Variants in PDILT observed in about 807,000 individuals in gnomAD.
The protein encoded by PDILT is protein disulfide-isomerase-like protein of the testis.
In PDILT, 43 loss-of-function variants were observed where a neutral mutation model predicts 53.7. That is an observed-to-expected ratio of 0.80 (90% CI 0.63 to 1.03). The LOEUF (loss-of-function observed/expected upper bound fraction) is 1.03. PDILT is among the 50% of genes least tolerant of loss of function. The probability of loss-of-function intolerance (pLI) is 0.00; values close to 1 mark genes in which losing one functional copy is unlikely to be tolerated. For synonymous variants in PDILT, 282 were observed against 274.2 expected (o/e 1.03, Z -0.28); for missense variants, 727 against 712.3 (o/e 1.02, Z -0.24).
intron 3 of PDILT, among the ~76,000 whole-genome samples, chr16:20,382,391 A>G (rs1442965840): frequency 6.6e-6 from 1 of 152,228 alleles, no homozygotes; most frequent in Non-Finnish European, 1.5e-5. Flanking sequence ...ACTTTATTGG[A>G]ACACAGTCAT....
At chr16:20,380,544 G>C (rs1290026218) in intron 3 of PDILT, among the ~76,000 whole-genome samples, 1 of 152,110 alleles carries the variant, frequency 6.6e-6, no homozygotes, top group Admixed American at 6.5e-5. Context: ...CACCATCTTG[G>C]CCAAGCTGGT....
chr16:20,389,960 C>T (rs375728254), intron 2 of PDILT, among the ~76,000 whole-genome samples: 2 of 152,102 alleles, frequency 1.3e-5, no homozygotes, highest in South Asian at 2.1e-4. Flanking sequence ...TGGGTAGAGG[C>T]CAGGGATACT....
chr16:20,362,045 C>T (rs192895101), intron 10 of PDILT, among the ~76,000 whole-genome samples: 1 of 152,334 alleles, frequency 6.6e-6, no homozygotes, highest in Non-Finnish European at 1.5e-5. Flanking sequence ...TAATACCCCA[C>T]ATCCAATATT....
Position 20,365,420 on chromosome 16 carries a change from A to G in PDILT, c.1237T>C (p.Tyr413His). The change falls in exon 9 of 12, where the codon TAT becomes CAT. Residue 413 changes from tyrosine to histidine, a missense_variant and splice_region_variant. By Grantham distance (83) the Tyr-to-His change is moderately conservative. Transcript: ENST00000302451. ...CAGAACCCCTCTTGGAGATACTTAC[A>G]GAACATCACAAATACGTCCTTTTCT... is the stretch of plus-strand genomic sequence containing the variant. ...DKEKDVFVMFYAPWSKKCKML... is the reference protein window; with the variant it reads ...DKEKDVFVMFHAPWSKKCKML... 5 of 1,613,928 alleles carry G rather than the reference A, an allele frequency of 3.1e-6. No homozygotes were observed. Among genetic ancestry groups the G allele is most frequent in the Non-Finnish European group, 4.2e-6 (5 of 1,179,780 alleles).
chr16:20,361,940 G>T (rs894091865), intron 10 of PDILT, among the ~76,000 whole-genome samples: 2 of 152,230 alleles, frequency 1.3e-5, no homozygotes, highest in African/African-American at 4.8e-5. Context: ...GGCATGGAGT[G>T]TGGGTTGTAT....
At chr16:20,369,733 A>G in intron 7 of PDILT, 44 bp from the exon 8 acceptor site, 1 of 1,602,296 alleles carries the variant, frequency 6.2e-7, no homozygotes, top group Non-Finnish European at 8.5e-7. Context: ...ATCCTTTGCC[A>G]GTGGAGAAAA....
intron 1 of PDILT, among the ~76,000 whole-genome samples, chr16:20,403,519 A>G (rs934422616): frequency 1.3e-5 from 2 of 152,024 alleles, no homozygotes; most frequent in African/African-American, 4.8e-5. Context: ...CAAACTCCTG[A>G]CCTCAGGTGA....
At chr16:20,388,592 G>A (rs974791675) in intron 2 of PDILT, among the ~76,000 whole-genome samples, 5 of 152,170 alleles carry the variant, frequency 3.3e-5, no homozygotes, top group African/African-American at 7.2e-5. Flanking sequence ...TTTAGAGTCC[G>A]ATTTTCTGGC....
At chr16:20,369,083 A>G (rs1299533853) in intron 8 of PDILT, among the ~76,000 whole-genome samples, 1 of 152,192 alleles carries the variant, frequency 6.6e-6, no homozygotes, top group African/African-American at 2.4e-5. Flanking sequence ...TAAAGCTTTT[A>G]AGGCTACATC....
At chr16:20,398,975 T>C (rs974259059) in intron 2 of PDILT, 124 bp downstream of exon 2, 2 of 1,027,360 alleles carry the variant, frequency 1.9e-6, no homozygotes, top group Non-Finnish European at 2.9e-6. Flanking sequence ...ATATATTAAA[T>C]GTCTGTTTTA....
chr16:20,384,660 G>T lies in PDILT; in HGVS notation c.394C>A (p.Pro132Thr), dbSNP rs773620193. The change falls in exon 3 of 12, where the codon CCC becomes ACC. Residue 132 changes from proline (P) to threonine (T), a missense_variant. Physicochemically the swap from Pro to Thr is conservative, Grantham distance 38 (BLOSUM62 -1). Coordinates refer to ENST00000302451, the MANE Select transcript of PDILT (RefSeq NM_174924.2). ...GCACCATTACCTTTGCAGCTGATGG[G>T]CTCTGACCTGTTGCCCTCAAAAAAC... ...KLFFEGNRSE[P>T]ISCKGVVESA... is the part of the protein sequence containing the mutation. 1 of 1,614,140 alleles carries T rather than the reference G, an allele frequency of 6.2e-7. No homozygotes were observed. The highest frequency in any genetic ancestry group is 1.7e-5 in the Admixed American group (1 of 60,012).
chr16:20,368,067 G>C (rs1966240806), intron 8 of PDILT, among the ~76,000 whole-genome samples: 1 of 152,210 alleles, frequency 6.6e-6, no homozygotes, highest in South Asian at 2.1e-4. Context: ...AGGGCAATGA[G>C]AAGGATGAGG....
rs1051708657 is a variant in PDILT at position 20,369,785 on chromosome 16, G to C, written c.919-96C>G. 2.2e-5 allele frequency: 27 copies of C among 1,252,258 alleles called. No homozygotes were observed. The East Asian group carries it at 6.3e-4, about 29-fold the overall frequency. 77.6% of individuals were successfully genotyped at this position (1,252,258 alleles called of 1,614,324 possible). On this transcript the variant is annotated intron_variant, in intron 7 of 11. Coordinates refer to ENST00000302451, the MANE Select transcript of PDILT (RefSeq NM_174924.2). ...GGACTAAGGGGATGCACATGGTGGG[G>C]TCTGTGGAGCACCTCTGCAAAATGT... is the stretch of plus-strand genomic sequence containing the variant.
intron 1 of PDILT, among the ~76,000 whole-genome samples, chr16:20,403,402 G>A (rs1327616348): frequency 6.6e-6 from 1 of 152,152 alleles, no homozygotes; most frequent in Non-Finnish European, 1.5e-5. Context: ...CGATTCTCCT[G>A]CTTCAACCTC....
intron 8 of PDILT, among the ~76,000 whole-genome samples, chr16:20,367,806 C>CTGA (rs1567321258): frequency 6.6e-6 from 1 of 151,902 alleles, no homozygotes; most frequent in African/African-American, 2.4e-5. Flanking sequence ...TGCCAGGACA[C>CTGA]TTTTCAGAGT....
At chr16:20,391,362 T>A (rs1346640515) in intron 2 of PDILT, among the ~76,000 whole-genome samples, 2 of 152,180 alleles carry the variant, frequency 1.3e-5, no homozygotes, top group Admixed American at 6.6e-5. Context: ...ATTGTCATCA[T>A]CATCATCATC....
At chr16:20,403,676 CTT>C (rs544370878) in intron 1 of PDILT, among the ~76,000 whole-genome samples, 2 of 148,810 alleles carry the variant, frequency 1.3e-5, no homozygotes, top group African/African-American at 2.5e-5. Flanking sequence ...GCTTCTGCCT[CTT>C]TTTTTTTTAC....
At chr16:20,390,011 C>T (rs1470607862) in intron 2 of PDILT, among the ~76,000 whole-genome samples, 1 of 152,166 alleles carries the variant, frequency 6.6e-6, no homozygotes, top group South Asian at 2.1e-4. Context: ...CCCAGCCCCA[C>T]AAGCAAAGAA....
intron 8 of PDILT, among the ~76,000 whole-genome samples, chr16:20,367,321 G>A (rs567551190): frequency 5.1e-4 from 78 of 152,088 alleles, no homozygotes; most frequent in African/African-American, 1.9e-3. Flanking sequence ...CCCTTGCTGT[G>A]CAGCCTCTGT....
Sources: gnomAD v4.1 joint callset for allele counts (sites outside exome capture counted in the v4.1 genomes callset) on GRCh38, gnomAD v4.1.1 for gene constraint, MANE v1.5 for transcripts, NCBI Gene and HGNC (gene_info 2026-07-23, HGNC 2026-07-21) for gene names.